SPMIP2: variants seen among roughly 807,000 people sequenced by gnomAD.
SPMIP2 encodes the protein sperm microtubule inner protein 2, also known as protein SPMIP2.
the SPMIP2 span, among the ~76,000 whole-genome samples, chr4:158,950,918 T>C: frequency 1.3e-5 from 2 of 152,020 alleles, no homozygotes; most frequent in Non-Finnish European, 1.5e-5. Context: ...AAATGGAGGC[T>C]GAAGGGAGGG....
chr4:158,902,171 T>G, the SPMIP2 span, among the ~76,000 whole-genome samples: 1 of 152,158 alleles, frequency 6.6e-6, no homozygotes, highest in Non-Finnish European at 1.5e-5. Context: ...ATGGGGTCTC[T>G]GAGTGGACGT....
the SPMIP2 span, among the ~76,000 whole-genome samples, chr4:159,023,561 T>A: frequency 1.3e-5 from 2 of 152,210 alleles, no homozygotes; most frequent in Non-Finnish European, 2.9e-5. Flanking sequence ...GGAGATAATC[T>A]GGCTTAAATA....
chr4:158,971,114 C>T, the SPMIP2 span, among the ~76,000 whole-genome samples: 1 of 152,122 alleles, frequency 6.6e-6, no homozygotes, highest in Non-Finnish European at 1.5e-5. Flanking sequence ...TGCTTGATTG[C>T]ACTTCATTTG....
chr4:158,994,466 T>G, the SPMIP2 span, among the ~76,000 whole-genome samples: 1 of 152,202 alleles, frequency 6.6e-6, no homozygotes, highest in African/African-American at 2.4e-5. Flanking sequence ...ACATTTATTT[T>G]TAATACTTAG....
chr4:158,957,827 C>T, the SPMIP2 span, among the ~76,000 whole-genome samples: 1 of 152,226 alleles, frequency 6.6e-6, no homozygotes, highest in Non-Finnish European at 1.5e-5. Flanking sequence ...CTCTTTACAT[C>T]CCATAAATAT....
chr4:159,069,888 C>T, the SPMIP2 span, among the ~76,000 whole-genome samples: 1 of 152,058 alleles, frequency 6.6e-6, no homozygotes, highest in Non-Finnish European at 1.5e-5. Context: ...TGGCTTCCAC[C>T]TGTCTCTCGA....
the SPMIP2 span, among the ~76,000 whole-genome samples, chr4:159,025,411 C>G: frequency 2.0e-5 from 3 of 152,166 alleles, no homozygotes; most frequent in African/African-American, 4.8e-5. Context: ...GTGATCCCCC[C>G]ACCTCGGCCT....
the SPMIP2 span, among the ~76,000 whole-genome samples, chr4:159,018,139 C>T: frequency 2.6e-5 from 4 of 152,132 alleles, no homozygotes; most frequent in African/African-American, 9.7e-5. Context: ...TCACCTGGCC[C>T]AGAAGCCAGT....
chr4:158,894,838 A>C, the SPMIP2 span, among the ~76,000 whole-genome samples: 1 of 152,182 alleles, frequency 6.6e-6, no homozygotes, highest in African/African-American at 2.4e-5. Flanking sequence ...CCAATGAAAA[A>C]CTGAAAAGAT....
At chr4:158,955,832 T>G in the SPMIP2 span, among the ~76,000 whole-genome samples, 18 of 152,350 alleles carry the variant, frequency 1.2e-4, no homozygotes, top group African/African-American at 4.1e-4. Context: ...AATATTAAAA[T>G]GTAAAAAATA....
At chr4:158,913,872 G>A in the SPMIP2 span, among the ~76,000 whole-genome samples, 1 of 151,162 alleles carries the variant, frequency 6.6e-6, no homozygotes, top group Non-Finnish European at 1.5e-5. Flanking sequence ...GACAAGAGAA[G>A]TTGGGGGGCA....
the SPMIP2 span, among the ~76,000 whole-genome samples, chr4:158,929,270 G>A: frequency 6.6e-6 from 1 of 152,164 alleles, no homozygotes; most frequent in African/African-American, 2.4e-5. Flanking sequence ...TTCCTGCCTT[G>A]GCCTCTCAAA....
the SPMIP2 span, among the ~76,000 whole-genome samples, chr4:159,062,764 C>T: frequency 7.3e-6 from 1 of 136,324 alleles, no homozygotes; most frequent in Non-Finnish European, 1.6e-5. Flanking sequence ...TCTCAACTCA[C>T]TACAACCTCC....
chr4:158,954,263 G>A, the SPMIP2 span, among the ~76,000 whole-genome samples: 1 of 152,170 alleles, frequency 6.6e-6, no homozygotes, highest in Non-Finnish European at 1.5e-5. Context: ...TCTCGTGGTA[G>A]TGAATAAGTC....
the SPMIP2 span, among the ~76,000 whole-genome samples, chr4:158,914,307 A>G: frequency 6.6e-6 from 1 of 152,334 alleles, no homozygotes; most frequent in East Asian, 1.9e-4. Flanking sequence ...GTCAGGATCT[A>G]CTGAGGAGGA....
At chr4:158,909,632 T>A in the SPMIP2 span, among the ~76,000 whole-genome samples, 1 of 150,726 alleles carries the variant, frequency 6.6e-6, no homozygotes, top group African/African-American at 2.4e-5. Flanking sequence ...TGGAGTACAG[T>A]GGCATGATCA....
chr4:158,961,555 T>TTCCATTGAATTTTATTATCAGCTTA, the SPMIP2 span, among the ~76,000 whole-genome samples: 1 of 152,130 alleles, frequency 6.6e-6, no homozygotes, highest in Non-Finnish European at 1.5e-5. Context: ...TGAATTTGAA[T>TTCCATTGAATTTTATTATCAGCTTA]TCCATTGAAT....
At chr4:159,012,138 C>G in the SPMIP2 span, among the ~76,000 whole-genome samples, 3 of 151,678 alleles carry the variant, frequency 2.0e-5, no homozygotes, top group Non-Finnish European at 4.4e-5. Context: ...AAATTTAAAG[C>G]CAAGAACAGT....
At chr4:159,032,123 G>A in the SPMIP2 span, among the ~76,000 whole-genome samples, 1 of 152,062 alleles carries the variant, frequency 6.6e-6, no homozygotes, top group African/African-American at 2.4e-5. Context: ...TTAGGAGGCT[G>A]AGGCACGAGA....
Sources: allele counts gnomAD v4.1 joint callset (sites outside exome capture counted in the v4.1 genomes callset), GRCh38; gene constraint gnomAD v4.1.1; transcripts MANE v1.5; gene names NCBI Gene and HGNC (gene_info 2026-07-23, HGNC 2026-07-21).